Variants in GRID2IP observed in about 807,000 individuals in gnomAD.
GRID2IP encodes delphilin.
GRID2IP carries 78 observed loss-of-function variants against 114.3 expected under a neutral mutation model. The ratio of observed to expected loss-of-function variants is 0.68; its 90% CI spans 0.57 to 0.82. The LOEUF (loss-of-function observed/expected upper bound fraction) is 0.82. Among genes scored for constraint, GRID2IP ranks in the 40% least tolerant of loss-of-function variants. GRID2IP has a pLI of 0.00. For missense variants in GRID2IP, 1,727 were observed against 1,678.5 expected (o/e 1.03, Z -0.51); for synonymous variants, 809 against 724.0 (o/e 1.12, Z -1.89).
rs767727437 is a variant in GRID2IP at position 6,509,024 on chromosome 7, G to A, written c.2061C>T (p.Ser687=). 5 of 1,546,718 alleles carry A rather than the reference G, an allele frequency of 3.2e-6. No homozygotes were observed. Among genetic ancestry groups the A allele is most frequent in the South Asian group, 1.2e-5 (1 of 83,942 alleles). ...TGGTGACCCGGGGGCCCAGCTGCTC[G>A]CTCAGCACGTCCAGGAAGCGGTCAG... The part of the protein sequence containing the change: ...RDTDRFLDVL[S]EQLGPRVTIV... The change falls in exon 12 of 22, where the codon AGC becomes AGT. Residue 687 remains serine, a synonymous_variant. Coordinates refer to ENST00000457091, the MANE Select transcript of GRID2IP (RefSeq NM_001145118.2). The surrounding 1 kb of genome is among the most constrained non-coding windows in gnomAD (Gnocchi z 4.9).
intron 1 of GRID2IP, among the ~76,000 whole-genome samples, chr7:6,546,955 C>T (rs530347012): frequency 6.6e-6 from 1 of 152,324 alleles, no homozygotes; most frequent in South Asian, 2.1e-4. Context: ...ATTTCTAGGT[C>T]TTCCCTCTTT....
chr7:6,548,305 A>G lies in GRID2IP; in HGVS notation c.429+2703T>C, dbSNP rs1172873125. ...GAGGCGGAGGTTGCAGTGAGCCGAG[A>G]TCGTACCACTGTATTCCCTGGGCAA... is the stretch of plus-strand genomic sequence containing the variant. On this transcript the variant is annotated intron_variant, in intron 1 of 21. Coordinates refer to ENST00000457091, the MANE Select transcript of GRID2IP (RefSeq NM_001145118.2). Among the ~76,000 whole-genome samples the G allele has an allele frequency of 2.0e-5, 3 of 152,040 alleles. No homozygotes were observed. The East Asian group carries it at 5.8e-4, about 29-fold the overall frequency.
intron 17 of GRID2IP, 46 bp downstream of exon 17, chr7:6,502,962 G>A: frequency 6.5e-7 from 1 of 1,550,154 alleles, no homozygotes; most frequent in Non-Finnish European, 8.7e-7. Flanking sequence ...GAAGCCCCAG[G>A]AGGCAGAGAA....
chr7:6,510,533 C>T, intron 10 of GRID2IP, 76 bp downstream of exon 10: 7 of 1,334,032 alleles, frequency 5.2e-6, no homozygotes, highest in Non-Finnish European at 7.1e-6. Flanking sequence ...TGGCCTGGGT[C>T]TCCTGGGCCC....
In GRID2IP at chr7:6,534,971, C is replaced by T. The variant is rs1009980036; in HGVS notation, c.584+4747G>A. Among the ~76,000 whole-genome samples the T allele has an allele frequency of 2.0e-5, 3 of 152,206 alleles. No homozygotes were observed. Among genetic ancestry groups the T allele is most frequent in the African/African-American group, 4.8e-5 (2 of 41,448 alleles). On this transcript the variant is annotated intron_variant, in intron 2 of 21. Transcript: ENST00000457091. The surrounding 1 kb of genome is among the most constrained non-coding windows in gnomAD (Gnocchi z 4.5). ...CACGATCTCGGCTCACTGCAATCTC[C>T]GCCTCCCAGGTTCAAGCGATGCTCC...
chr7:6,532,215 A>G lies in GRID2IP; in HGVS notation c.585-5446T>C, dbSNP rs893563528. Among the ~76,000 whole-genome samples, 2 of 152,032 alleles carry G rather than the reference A, an allele frequency of 1.3e-5. No homozygotes were observed. The highest frequency in any genetic ancestry group is 2.9e-5 in the Non-Finnish European group (2 of 67,982). On this transcript the variant is annotated intron_variant, in intron 2 of 21. Coordinates refer to ENST00000457091, the MANE Select transcript of GRID2IP (RefSeq NM_001145118.2). The surrounding 1 kb of genome is among the most constrained non-coding windows in gnomAD (Gnocchi z 4.4). ...GAGAGGCCCAGAATCAGGCCTGAGG[A>G]ACAAATGAGAGTTGGGGTAACCAGT...
At position 6,503,082 on chromosome 7, in the gene GRID2IP, G is replaced by A; in HGVS notation, c.2989C>T (p.Arg997Ter). ...ATLQEKTEEIRGSLECLRQAS... is the reference protein window; with the variant it reads ...ATLQEKTEEI ...TGGCGCAAGCATTCAAGGCTGCCTC[G>A]GATCTCCTCTGTCTTCTCCTGGAGG... The change falls in exon 17 of 22, where the codon CGA becomes TGA. Residue 997 changes from arginine (R) to a stop codon, truncating the protein, a stop_gained. Transcript: ENST00000457091. LOFTEE classifies it high-confidence loss of function. The A allele has an allele frequency of 6.4e-7, 1 of 1,551,462 alleles. No homozygotes were observed. Among genetic ancestry groups the A allele is most frequent in the Non-Finnish European group, 8.7e-7 (1 of 1,146,912 alleles).
intron 2 of GRID2IP, among the ~76,000 whole-genome samples, chr7:6,539,233 A>G (rs1425893327): frequency 2.6e-5 from 4 of 151,946 alleles, no homozygotes; most frequent in Non-Finnish European, 5.9e-5. Flanking sequence ...GGTTCAAGCA[A>G]TCCTCCAGCC....
intron 4 of GRID2IP, among the ~76,000 whole-genome samples, chr7:6,522,158 T>G (rs897642882): frequency 6.6e-6 from 1 of 152,032 alleles, no homozygotes; most frequent in Non-Finnish European, 1.5e-5. Flanking sequence ...GAGACCAGCT[T>G]GGGCAACATA....
At position 6,520,535 on chromosome 7, in the gene GRID2IP, GC is replaced by G; in HGVS notation, c.1268+42del. On this transcript the variant is annotated intron_variant, in intron 7 of 21. Transcript: ENST00000457091. The surrounding 1 kb of genome is among the most constrained non-coding windows in gnomAD (Gnocchi z 4.6). Reference sequence around the variant, plus strand: ...GATGTGAGTCTAGGCAGGACTTAGGGCCCACCCAGGGCAGGGCCCCACCGCG... The same window carrying G: ...GATGTGAGTCTAGGCAGGACTTAGGGCCACCCAGGGCAGGGCCCCACCGCG... The G allele has an allele frequency of 1.3e-6, 2 of 1,531,032 alleles. No homozygotes were observed. The highest frequency in any genetic ancestry group is 1.4e-5 in the African/African-American group (1 of 72,806). The allele number at this position is 1,531,032 out of a possible 1,614,324, so 94.8% of individuals were successfully genotyped here.
intron 8 of GRID2IP, among the ~76,000 whole-genome samples, chr7:6,512,231 CTTTTTT>C (rs1002835555): frequency 6.7e-5 from 6 of 90,202 alleles, no homozygotes; most frequent in African/African-American, 1.4e-4. Flanking sequence ...TTCTTTTCTT[CTTTTTT>C]TTTTTTTTTT....
chr7:6,518,163 G>A (rs780476779), intron 7 of GRID2IP, among the ~76,000 whole-genome samples: 2 of 151,882 alleles, frequency 1.3e-5, no homozygotes, highest in South Asian at 2.1e-4. Context: ...CTGGGAGTTC[G>A]AGGCTGCAGT....
chr7:6,507,483 G>T lies in GRID2IP; in HGVS notation c.2544+502C>A, dbSNP rs1215781746. ...TTTTAAGGGCCAGAAAGAAAACAGG[G>T]CATGGGAATCCTGGGGAGACAAGAT... On this transcript the variant is annotated intron_variant, in intron 13 of 21. Transcript: ENST00000457091. The surrounding 1 kb of genome is among the most constrained non-coding windows in gnomAD (Gnocchi z 5.3). Among the ~76,000 whole-genome samples, 1 of 152,194 alleles carries T rather than the reference G, an allele frequency of 6.6e-6. No homozygotes were observed. Among genetic ancestry groups the T allele is most frequent in the Non-Finnish European group, 1.5e-5 (1 of 68,032 alleles).
In GRID2IP at chr7:6,516,113, AAAAT is replaced by A. The variant is rs35580684; in HGVS notation, c.1269-1588_1269-1585del. On this transcript the variant is annotated intron_variant, in intron 7 of 21. Coordinates refer to ENST00000457091, the MANE Select transcript of GRID2IP (RefSeq NM_001145118.2). This position sits in a 1 kb window ranked among gnomAD's most constrained non-coding sequence, Gnocchi z 4.3. ...CCCCGTCTCAAAATAATAATAATAA[AAAAT>A]AAATAAATAAATAAATAAAAATAAA... Among the ~76,000 whole-genome samples, 2,033 of 106,250 alleles carry A rather than the reference AAAAT, an allele frequency of 0.019. 50 individuals carry two copies. The highest frequency in any genetic ancestry group is 0.065 in the African/African-American group (1,787 of 27,446). The allele number at this position is 106,250 out of a possible 152,430, so 69.7% of individuals were successfully genotyped here. A position where few individuals can be genotyped will look rare whatever the true frequency, so the allele number is the denominator to read the frequency against.
chr7:6,537,434 G>C (rs1779746015), intron 2 of GRID2IP, among the ~76,000 whole-genome samples: 1 of 136,162 alleles, frequency 7.3e-6, no homozygotes, highest in Non-Finnish European at 1.5e-5. Context: ...CTGGAGTGCA[G>C]TGTCGTGATC....
rs1392398065 is a variant in GRID2IP, at chr7:6,528,802, G to A, written c.585-2033C>T. ...TCCGCTCCAGGTCTCGATGGTCCGG[G>A]GGGTAACCAGGAACCAGGATGAATG... is the stretch of plus-strand genomic sequence containing the variant. On this transcript the variant is annotated intron_variant, in intron 2 of 21. Transcript: ENST00000457091. This position sits in a 1 kb window ranked among gnomAD's most constrained non-coding sequence, Gnocchi z 6.0. Among the ~76,000 whole-genome samples the A allele has an allele frequency of 2.0e-5, 3 of 152,072 alleles. No homozygotes were observed. The highest frequency in any genetic ancestry group is 4.4e-5 in the Non-Finnish European group (3 of 68,000).
intron 2 of GRID2IP, among the ~76,000 whole-genome samples, chr7:6,530,159 C>T (rs1562521866): frequency 1.3e-5 from 2 of 151,998 alleles, no homozygotes; most frequent in East Asian, 3.9e-4. Context: ...AGGGTTTCAC[C>T]GTTTTAGCCA....
Position 6,526,321 on chromosome 7 carries a change from A to C in GRID2IP, c.834-12T>G. 6 of 1,550,818 alleles carry C rather than the reference A, an allele frequency of 3.9e-6. No homozygotes were observed. The highest frequency in any genetic ancestry group is 5.2e-6 in the Non-Finnish European group (6 of 1,146,154). ...AGACTCGGACAGTCCTGGGGGAAAA[A>C]GAAGGGGCGAGCAGCATGATGGAGA... On this transcript the variant is annotated splice_polypyrimidine_tract_variant and intron_variant, in intron 3 of 21. Coordinates refer to ENST00000457091, the MANE Select transcript of GRID2IP (RefSeq NM_001145118.2). This position sits in a 1 kb window ranked among gnomAD's most constrained non-coding sequence, Gnocchi z 7.6.
At chr7:6,502,674 C>A in intron 18 of GRID2IP, 112 bp downstream of exon 18, 1 of 590,348 alleles carries the variant, frequency 1.7e-6, no homozygotes, top group East Asian at 5.6e-5. Context: ...GGAGGAGAGC[C>A]CTCCTTGGTC....
Sources: gnomAD v4.1 joint callset for allele counts (sites outside exome capture counted in the v4.1 genomes callset) on GRCh38, gnomAD v4.1.1 for gene constraint, Gnocchi (gnomAD v3.1) non-coding constraint, MANE v1.5 for transcripts, NCBI Gene and HGNC (gene_info 2026-07-23, HGNC 2026-07-21) for gene names.